SHOC1: variants seen among roughly 807,000 people sequenced by gnomAD.
The protein encoded by SHOC1 is shortage in chiasmata 1, also known as protein shortage in chiasmata 1 ortholog.
A neutral mutation model predicts 179.2 loss-of-function variants in SHOC1; 136 were observed. The ratio of observed to expected loss-of-function variants is 0.76; its 90% confidence interval spans 0.66 to 0.87. SHOC1 has a LOEUF of 0.87. Ranked by LOEUF, SHOC1 falls within the 40% of genes least tolerant of loss-of-function variation. The pLI, the probability that SHOC1 is intolerant of heterozygous loss-of-function variation, is 0.00. For missense variants in SHOC1, 1,538 were observed against 1,700.8 expected, an observed-to-expected ratio of 0.90 and a Z score of 1.68; for synonymous variants, 489 against 586.6, an observed-to-expected ratio of 0.83 and a Z score of 2.41.
chr9:111,781,157 C>A, intron 3 of SHOC1, 140 bp from the exon 4 acceptor site: 1 of 631,420 alleles, frequency 1.6e-6, no homozygotes, highest in Non-Finnish European at 2.8e-6. Context: ...TACCTGATTC[C>A]AAATATTTGA....
intron 27 of SHOC1, among the ~76,000 whole-genome samples, chr9:111,689,988 A>G (rs1200526427): frequency 6.6e-6 from 1 of 152,246 alleles, no homozygotes; most frequent in Non-Finnish European, 1.5e-5. Flanking sequence ...GTAGAAAAAT[A>G]TGAAATTTTC....
Position 111,748,097 on chromosome 9 carries a change from T to G in SHOC1, c.965A>C (p.Lys322Thr). The G allele has an allele frequency of 6.2e-7, 1 of 1,610,714 alleles. No individual in the cohort carries two copies. The highest frequency in any genetic ancestry group is 1.3e-5 in the African/African-American group (1 of 74,950). ...TGATTTATCAAAATTTCTACCTGGT[T>G]TACTGCACTCTTCTGGTTCACTCTG... ...QSQSEPEECS[K>T]PGELEMPLTP... Residue 322 changes from lysine to threonine, a missense_variant, in exon 9 of 28, where the codon AAA becomes ACA. Lys to Thr is a moderately conservative substitution (Grantham distance 78, BLOSUM62 -1). Coordinates refer to ENST00000682961, the MANE Select transcript of SHOC1 (RefSeq NM_001378211.1).
intron 13 of SHOC1, 65 bp from the exon 14 acceptor site, chr9:111,723,976 T>A: frequency 1.6e-6 from 2 of 1,217,080 alleles, no homozygotes; most frequent in Non-Finnish European, 2.3e-6. Context: ...TGTTTTACCT[T>A]AATTTTTTTT....
At chr9:111,770,675 T>A (rs1323974937) in intron 5 of SHOC1, among the ~76,000 whole-genome samples, 1 of 152,150 alleles carries the variant, frequency 6.6e-6, no homozygotes, top group Non-Finnish European at 1.5e-5. Context: ...TCTACCCTTT[T>A]AGATATTAAT....
intron 8 of SHOC1, among the ~76,000 whole-genome samples, chr9:111,755,008 T>G (rs1834791148): frequency 6.6e-6 from 1 of 152,210 alleles, no homozygotes; most frequent in African/African-American, 2.4e-5. Flanking sequence ...TTTATTATTA[T>G]TGTTGTGACA....
intron 10 of SHOC1, among the ~76,000 whole-genome samples, chr9:111,744,888 C>T (rs1395463707): frequency 6.6e-6 from 1 of 152,194 alleles, no homozygotes; most frequent in African/African-American, 2.4e-5. Flanking sequence ...CTATCTCAGA[C>T]TCTATCAAAG....
At chr9:111,739,526 T>A (rs1386857906) in intron 11 of SHOC1, among the ~76,000 whole-genome samples, 1 of 152,070 alleles carries the variant, frequency 6.6e-6, no homozygotes, top group Non-Finnish European at 1.5e-5. Context: ...ATAAACTACA[T>A]TTTCTAGAAT....
rs1488071628 is a variant in SHOC1, at chr9:111,691,845, CACCATATTGTAAGTTGA to C, written c.4115_4131del (p.Phe1372CysfsTer7). 1 of 1,613,462 alleles carries C rather than the reference CACCATATTGTAAGTTGA, an allele frequency of 6.2e-7. No homozygotes were observed. Among genetic ancestry groups the C allele is most frequent in the Non-Finnish European group, 8.5e-7 (1 of 1,179,836 alleles). On this transcript the variant is annotated frameshift_variant, in exon 27 of 28. Transcript: ENST00000682961. LOFTEE classifies it high-confidence loss of function. ...AATTTGTTACATGCAGTCTGCTGTG[CACCATATTGTAAGTTGA>C]ACGGGTGATTCTCTTGTTCCCATAT...
intron 8 of SHOC1, among the ~76,000 whole-genome samples, chr9:111,754,411 G>T (rs4978460): frequency 0.5 from 76,611 of 152,062 alleles, 20,869 homozygotes; most frequent in East Asian, 0.87. Flanking sequence ...ACCACAATGA[G>T]ATATCACTTC....
intron 2 of SHOC1, among the ~76,000 whole-genome samples, chr9:111,788,121 C>A (rs1836329105): frequency 7.6e-6 from 1 of 131,890 alleles, no homozygotes; most frequent in Non-Finnish European, 1.5e-5. Context: ...GGCTGGAGTG[C>A]AGTGGCGTGG....
At chr9:111,741,700 C>T in intron 10 of SHOC1, 130 bp from the exon 11 acceptor site, 1 of 406,882 alleles carries the variant, frequency 2.5e-6, no homozygotes, top group African/African-American at 2.1e-5. Flanking sequence ...GTGGCACTAT[C>T]TTGGCTCACT....
intron 24 of SHOC1, among the ~76,000 whole-genome samples, chr9:111,696,575 T>G (rs1209073973): frequency 7.2e-5 from 11 of 152,196 alleles, no homozygotes; most frequent in African/African-American, 2.4e-4. Flanking sequence ...TTAGAATAGT[T>G]TGATCCAGGT....
In SHOC1 at chr9:111,694,374, T is replaced by C. The variant is rs774899913; in HGVS notation, c.3184-12A>G. On this transcript the variant is annotated splice_polypyrimidine_tract_variant and intron_variant, in intron 24 of 27. Transcript: ENST00000682961. ...GGGGCAATTATAAGCTAAAAAATAT[T>C]TTTTATGTTAGATTATAGGAAATAC... is the stretch of plus-strand genomic sequence containing the variant. 1.9e-6 allele frequency: 3 copies of C among 1,588,604 alleles called. No homozygotes were observed. In the Admixed American group the frequency reaches 5.2e-5, roughly 27 times the overall value.
intron 18 of SHOC1, among the ~76,000 whole-genome samples, chr9:111,710,894 T>C (rs1344825994): frequency 6.6e-6 from 1 of 152,054 alleles, no homozygotes; most frequent in Non-Finnish European, 1.5e-5. Context: ...AAGAACTATT[T>C]TAGGAGATGA....
At chr9:111,765,782 C>T (rs1313880982) in intron 5 of SHOC1, among the ~76,000 whole-genome samples, 4 of 151,702 alleles carry the variant, frequency 2.6e-5, no homozygotes, top group East Asian at 3.9e-4. Flanking sequence ...GGCACGATCT[C>T]GGCTCACTGC....
At chr9:111,753,372 C>T (rs573034720) in intron 8 of SHOC1, among the ~76,000 whole-genome samples, 2 of 152,062 alleles carry the variant, frequency 1.3e-5, no homozygotes, top group South Asian at 2.1e-4. Flanking sequence ...AACTACAGAC[C>T]AATATTTCTT....
chr9:111,723,839 A>G lies in SHOC1; in HGVS notation c.1907T>C (p.Ile636Thr), dbSNP rs751809622. 11 of 1,609,938 alleles carry G rather than the reference A, an allele frequency of 6.8e-6. No individual in the cohort carries two copies. Among genetic ancestry groups the G allele is most frequent in the Non-Finnish European group, 9.3e-6 (11 of 1,177,104 alleles). ...IVHINKTLEEINQERGTDSVI... is the reference protein window; with the variant it reads ...IVHINKTLEETNQERGTDSVI... ...ACTATCTGTTCCCCTTTCCTGATTT[A>G]TTTCCTCCAGGGTTTTATTAATATG... The change falls in exon 14 of 28, where the codon ATA (isoleucine) becomes ACA (threonine). Residue 636 changes from isoleucine (I) to threonine (T), a missense_variant. By Grantham distance (89) the Ile-to-Thr change is moderately conservative (BLOSUM62 -1). Coordinates refer to ENST00000682961, the MANE Select transcript of SHOC1 (RefSeq NM_001378211.1).
intron 24 of SHOC1, among the ~76,000 whole-genome samples, chr9:111,698,924 GC>G (rs556526316): frequency 2.8e-4 from 42 of 152,184 alleles, no homozygotes; most frequent in Middle Eastern, 3.4e-3. Context: ...CAGTCTTTGA[GC>G]AAGAAATTCA....
At position 111,775,833 on chromosome 9, in the gene SHOC1, T is replaced by G; in HGVS notation, c.400A>C (p.Ser134Arg). 6.2e-7 allele frequency: 1 copy of G among 1,611,222 alleles called. No individual in the cohort carries two copies. Among genetic ancestry groups the G allele is most frequent in the Non-Finnish European group, 8.5e-7 (1 of 1,179,300 alleles). The change falls in exon 5 of 28, where the codon AGT (serine) becomes CGT (arginine). Residue 134 changes from serine to arginine, a missense_variant. Coordinates refer to ENST00000682961, the MANE Select transcript of SHOC1 (RefSeq NM_001378211.1). ...AGTGCTGAACATTTTTCTAAACAAC[T>G]GACAGGGGTAAAGACTTCATTGTAG... ...MDYNEVFTPV[S>R]CLEKCSALQN...
Sources: allele counts gnomAD v4.1 joint callset (sites outside exome capture counted in the v4.1 genomes callset), GRCh38; gene constraint gnomAD v4.1.1; transcripts MANE v1.5; gene names NCBI Gene and HGNC (gene_info 2026-07-23, HGNC 2026-07-21).